PTPRG: variants seen among roughly 807,000 people sequenced by gnomAD.
PTPRG encodes receptor-type tyrosine-protein phosphatase gamma.
A neutral mutation model predicts 165.3 loss-of-function variants in PTPRG; 102 were observed. The observed-to-expected ratio is 0.62, with a 90% confidence interval of 0.53 to 0.73. The LOEUF (loss-of-function observed/expected upper bound fraction) is 0.73. PTPRG is among the 30% of genes least tolerant of loss of function. The pLI, the probability that PTPRG is intolerant of heterozygous loss-of-function variation, is 0.00. For missense variants in PTPRG, 1,866 were observed against 1,861.4 expected (o/e 1.00, Z -0.05); for synonymous variants, 675 against 669.5 (o/e 1.01, Z -0.13).
chr3:62,108,623 G>A (rs1006056371), intron 5 of PTPRG, among the ~76,000 whole-genome samples: 1 of 152,208 alleles, frequency 6.6e-6, no homozygotes, highest in Admixed American at 6.5e-5. Flanking sequence ...TCACCACGCT[G>A]TCTTCCACAA....
rs1702969129 is a variant in PTPRG, at chr3:62,293,416, C to T, written c.*109C>T. 1.0e-6 allele frequency: 1 copy of T among 977,568 alleles called. No homozygotes were observed. Among genetic ancestry groups the T allele is most frequent in the Non-Finnish European group, 1.4e-6 (1 of 693,862 alleles). 60.6% of individuals were successfully genotyped at this position (977,568 alleles called of 1,614,324 possible). A position where few individuals can be genotyped will look rare whatever the true frequency, so the allele number is the denominator to read the frequency against. On this transcript the variant is annotated 3_prime_UTR_variant, in exon 30 of 30. Coordinates refer to ENST00000474889, the MANE Select transcript of PTPRG (RefSeq NM_002841.4). ...ATACAATAACCCAGTTACTTTTTTA[C>T]ACTGATAAAAGTTTTGATATTTATT...
chr3:61,983,601 A>G (rs1265108785), intron 2 of PTPRG, among the ~76,000 whole-genome samples: 2 of 152,140 alleles, frequency 1.3e-5, no homozygotes, highest in African/African-American at 4.8e-5. Context: ...TTCAAGGTAC[A>G]TGCTTATTTT....
intron 2 of PTPRG, among the ~76,000 whole-genome samples, chr3:61,852,267 A>C (rs571445916): frequency 6.6e-6 from 1 of 152,316 alleles, no homozygotes; most frequent in African/African-American, 2.4e-5. Flanking sequence ...TCCAAGAAGG[A>C]TGGGGTCTGA....
intron 1 of PTPRG, among the ~76,000 whole-genome samples, chr3:61,621,977 CCTT>C (rs1288740569): frequency 6.6e-6 from 1 of 152,150 alleles, no homozygotes; most frequent in Non-Finnish European, 1.5e-5. Context: ...CAGTCCCTGT[CCTT>C]CTTGGAAGTC....
At chr3:61,667,692 G>C (rs1017574358) in intron 1 of PTPRG, among the ~76,000 whole-genome samples, 2 of 152,010 alleles carry the variant, frequency 1.3e-5, no homozygotes, top group Non-Finnish European at 2.9e-5. Flanking sequence ...GCAGTCCCAG[G>C]TACTTAGGAG....
chr3:61,765,636 A>G (rs914036610), intron 2 of PTPRG, among the ~76,000 whole-genome samples: 1 of 152,174 alleles, frequency 6.6e-6, no homozygotes, highest in East Asian at 1.9e-4. Flanking sequence ...AGGAGTGGAA[A>G]GGAAACCAGA....
chr3:61,722,363 C>T (rs2032088614), intron 1 of PTPRG, among the ~76,000 whole-genome samples: 2 of 152,132 alleles, frequency 1.3e-5, no homozygotes, highest in African/African-American at 2.4e-5. Context: ...CTCTCAACAC[C>T]ACTGCATTAG....
At chr3:61,937,271 T>C (rs2039503777) in intron 2 of PTPRG, among the ~76,000 whole-genome samples, 1 of 152,214 alleles carries the variant, frequency 6.6e-6, no homozygotes, top group African/African-American at 2.4e-5. Flanking sequence ...TTGGCGTCCC[T>C]GGCCTTCCTT....
At chr3:62,140,983 T>C (rs1332769146) in intron 6 of PTPRG, among the ~76,000 whole-genome samples, 1 of 151,760 alleles carries the variant, frequency 6.6e-6, no homozygotes, top group Non-Finnish European at 1.5e-5. Flanking sequence ...AGGTATAATA[T>C]AAAAATTTCC....
chr3:62,098,929 T>C (rs1702201032), intron 5 of PTPRG, among the ~76,000 whole-genome samples: 1 of 152,098 alleles, frequency 6.6e-6, no homozygotes. Context: ...GGGTGTGAAG[T>C]GTAGGATGTT....
chr3:62,294,645 T>C lies in PTPRG; in HGVS notation c.*1338T>C, dbSNP rs146413376. 20 of 152,132 alleles carry C rather than the reference T, an allele frequency of 1.3e-4. No individual in the cohort carries two copies. The East Asian group carries it at 3.7e-3, about 28-fold the overall frequency. The allele number at this position is 152,132 out of a possible 1,614,324, so 9.4% of individuals were successfully genotyped here. On this transcript the variant is annotated 3_prime_UTR_variant, in exon 30 of 30. Coordinates refer to ENST00000474889, the MANE Select transcript of PTPRG (RefSeq NM_002841.4). Reference sequence around the variant, plus strand: ...ACGCTGCAGTGCATAATGGGAAAATTAGGAGCATTAATAAGAAATTTCAGT... The same window carrying C: ...ACGCTGCAGTGCATAATGGGAAAATCAGGAGCATTAATAAGAAATTTCAGT...
Position 61,577,509 on chromosome 3 carries a change from A to T in PTPRG, c.85+15137A>T, listed in dbSNP as rs542205969. The stretch of plus-strand genomic sequence containing the variant: ...ACCAGATTTCAAAGACAAATGAAAA[A>T]AGAATGTGAAATATCTCATTAAAAC... On this transcript the variant is annotated intron_variant, in intron 1 of 29. Transcript: ENST00000474889. Among the ~76,000 whole-genome samples the T allele has an allele frequency of 9.8e-5, 15 of 152,342 alleles. 1 individual carries two copies. The highest frequency in any genetic ancestry group is 6.8e-3 in the Middle Eastern group (2 of 294).
intron 4 of PTPRG, among the ~76,000 whole-genome samples, chr3:62,073,102 T>G (rs1343985112): frequency 6.6e-6 from 1 of 151,942 alleles, no homozygotes; most frequent in African/African-American, 2.4e-5. Context: ...TATCTGATAA[T>G]GGATTGAATA....
chr3:62,074,118 T>G (rs1479738459), intron 4 of PTPRG, among the ~76,000 whole-genome samples: 2 of 151,880 alleles, frequency 1.3e-5, no homozygotes, highest in East Asian at 3.9e-4. Context: ...ACTTGAGTAT[T>G]TAGTGGTAAA....
At chr3:61,832,086 T>C (rs561395193) in intron 2 of PTPRG, among the ~76,000 whole-genome samples, 2 of 152,330 alleles carry the variant, frequency 1.3e-5, no homozygotes, top group South Asian at 4.1e-4. Flanking sequence ...AAATTATATC[T>C]GCCAAAATAA....
intron 2 of PTPRG, among the ~76,000 whole-genome samples, chr3:61,909,083 A>G (rs745582658): frequency 5.3e-5 from 8 of 152,174 alleles, no homozygotes; most frequent in Non-Finnish European, 1.2e-4. Context: ...TTTAATGGCA[A>G]GGCTATTCTT....
chr3:61,748,809 C>T (rs1349251077), intron 1 of PTPRG, 69 bp from the exon 2 acceptor site: 1 of 1,278,536 alleles, frequency 7.8e-7, no homozygotes, highest in Non-Finnish European at 1.1e-6. Flanking sequence ...CAATGGTGTT[C>T]ATTTGACACC....
At chr3:61,690,395 G>A (rs555123940) in intron 1 of PTPRG, among the ~76,000 whole-genome samples, 3 of 152,304 alleles carry the variant, frequency 2.0e-5, no homozygotes. Flanking sequence ...AATGGCAATT[G>A]CTTGATGCTT....
chr3:61,981,082 G>A (rs1159927549), intron 2 of PTPRG, among the ~76,000 whole-genome samples: 4 of 152,210 alleles, frequency 2.6e-5, no homozygotes, highest in African/African-American at 4.8e-5. Flanking sequence ...AGGCCTCGGG[G>A]AACTTACAGT....
Sources: gnomAD v4.1 joint callset for allele counts (sites outside exome capture counted in the v4.1 genomes callset) on GRCh38, gnomAD v4.1.1 for gene constraint, MANE v1.5 for transcripts, NCBI Gene and HGNC (gene_info 2026-07-23, HGNC 2026-07-21) for gene names.